FBN2: variants seen among roughly 807,000 people sequenced by gnomAD.
FBN2 encodes the protein fibrillin-2.
FBN2 carries 105 observed loss-of-function variants against 355.6 expected under a neutral mutation model. That is an observed-to-expected ratio of 0.30 (90% CI 0.25 to 0.35). The LOEUF is 0.35. Among genes scored for constraint, FBN2 ranks in the 10% least tolerant of loss-of-function variants. The probability of loss-of-function intolerance (pLI) is 1.00; values close to 1 mark genes in which losing one functional copy is unlikely to be tolerated. For synonymous variants in FBN2, 1,350 were observed against 1,301.2 expected (o/e 1.04, Z -0.81); for missense variants, 3,280 against 3,758.7 (o/e 0.87, Z 3.33).
At chr5:128,448,765 T>C (rs1420988978) in intron 6 of FBN2, among the ~76,000 whole-genome samples, 1 of 152,200 alleles carries the variant, frequency 6.6e-6, no homozygotes, top group Non-Finnish European at 1.5e-5. Context: ...CTACACTTAC[T>C]AGCTTTTTTA....
chr5:128,524,527 T>C lies in FBN2; in HGVS notation c.532+3345A>G, dbSNP rs1185628960. 3.3e-5 allele frequency among the ~76,000 whole-genome samples: 5 copies of C among 152,320 alleles called. No individual in the cohort carries two copies. The East Asian group carries it at 7.7e-4, about 23-fold the overall frequency. ...AAATAGAAGAATGCTTTCTAAGAAG[T>C]GCTGTCTGTTTCCAGGAAAGCAGCT... is the stretch of plus-strand genomic sequence containing the variant. On this transcript the variant is annotated intron_variant, in intron 4 of 64. Coordinates refer to ENST00000262464, the MANE Select transcript of FBN2 (RefSeq NM_001999.4).
chr5:128,489,029 C>T, intron 5 of FBN2, among the ~76,000 whole-genome samples: 1 of 152,034 alleles, frequency 6.6e-6, no homozygotes, highest in Non-Finnish European at 1.5e-5. Context: ...AATGGGATGG[C>T]TGGGTCAAAT....
At chr5:128,406,634 T>A (rs1404117186) in intron 8 of FBN2, among the ~76,000 whole-genome samples, 3 of 152,150 alleles carry the variant, frequency 2.0e-5, no homozygotes, top group Non-Finnish European at 4.4e-5. Context: ...ACTAAGTGAC[T>A]AGTGGGTGCG....
rs764248068 is a variant in FBN2, at chr5:128,378,810, C to A, written c.1684G>T (p.Ala562Ser). Residue 562 changes from alanine (A) to serine (S), a missense_variant, in exon 12 of 65, where the codon GCT (alanine) becomes TCT (serine). This residue lies in a region of FBN2 where 2,284 missense variants were observed against 2,749.5 expected (regional missense o/e 0.83). Transcript: ENST00000262464. ...TTGGTAGGAGTCCTCTGGAATCCAG[C>A]ATGACATTTACAATAATAGGAACCA... ...TPGSYYCKCH[A>S]GFQRTPTKQA... The A allele has an allele frequency of 6.8e-6, 11 of 1,613,082 alleles. No homozygotes were observed. Among genetic ancestry groups the A allele is most frequent in the Non-Finnish European group, 9.3e-6 (11 of 1,179,420 alleles).
At chr5:128,328,977 T>C (rs192954777) in intron 33 of FBN2, among the ~76,000 whole-genome samples, 156 bp from the exon 34 acceptor site, 264 of 152,332 alleles carry the variant, frequency 1.7e-3, no homozygotes, top group Middle Eastern at 0.01. Context: ...GGTATCAACC[T>C]GAGAGAAAAT....
chr5:128,404,311 C>T (rs1049843802), intron 8 of FBN2, among the ~76,000 whole-genome samples: 2 of 152,206 alleles, frequency 1.3e-5, no homozygotes, highest in Middle Eastern at 3.2e-3. Context: ...TTATTCAAAA[C>T]ATTTTTAAGC....
At chr5:128,395,597 T>C (rs1752630005) in intron 8 of FBN2, among the ~76,000 whole-genome samples, 1 of 152,354 alleles carries the variant, frequency 6.6e-6, no homozygotes, top group Middle Eastern at 3.4e-3. Context: ...TGTGGTTGTC[T>C]GTAATGCAGC....
chr5:128,446,659 A>G (rs1294679739), intron 6 of FBN2, 53 bp from the exon 7 acceptor site: 3 of 1,593,204 alleles, frequency 1.9e-6, no homozygotes, highest in African/African-American at 1.3e-5. Context: ...CAGAATATCT[A>G]TACTTTTTTT....
intron 7 of FBN2, among the ~76,000 whole-genome samples, chr5:128,417,068 C>T (rs1753220696): frequency 6.6e-6 from 1 of 152,052 alleles, no homozygotes; most frequent in Non-Finnish European, 1.5e-5. Flanking sequence ...GAATTCACTT[C>T]CTTAGTTAAA....
At chr5:128,293,825 CTTTTT>C (rs991797437) in intron 48 of FBN2, among the ~76,000 whole-genome samples, 4 of 151,152 alleles carry the variant, frequency 2.6e-5, no homozygotes, top group African/African-American at 9.8e-5. Flanking sequence ...TTAAACTTTT[CTTTTT>C]TTTAATTAAT....
intron 48 of FBN2, among the ~76,000 whole-genome samples, chr5:128,299,434 C>CTGCCGCCTT (rs61307257): frequency 8.1e-6 from 1 of 122,944 alleles, no homozygotes; most frequent in African/African-American, 3.4e-5. Flanking sequence ...CCCCCAGCCT[C>CTGCCGCCTT]ACAGTTTGAT....
At chr5:128,339,936 T>G (rs1171684398) in intron 25 of FBN2, among the ~76,000 whole-genome samples, 1 of 152,222 alleles carries the variant, frequency 6.6e-6, no homozygotes, top group African/African-American at 2.4e-5. Flanking sequence ...CTTATTGATT[T>G]AGTAAGCCCT....
At chr5:128,470,832 C>T (rs1754842494) in intron 5 of FBN2, among the ~76,000 whole-genome samples, 1 of 151,844 alleles carries the variant, frequency 6.6e-6, no homozygotes, top group Non-Finnish European at 1.5e-5. Flanking sequence ...TGTACAACTG[C>T]ATAGATTGTG....
intron 6 of FBN2, among the ~76,000 whole-genome samples, chr5:128,447,782 T>G (rs1754111534): frequency 6.6e-6 from 1 of 152,226 alleles, no homozygotes; most frequent in African/African-American, 2.4e-5. Flanking sequence ...TGCCGACATG[T>G]GATGTCTCCC....
At chr5:128,530,498 A>T in intron 3 of FBN2, 97 bp downstream of exon 3, 2 of 792,174 alleles carry the variant, frequency 2.5e-6, no homozygotes, top group Non-Finnish European at 2.2e-6. Context: ...AACTAAAGTA[A>T]TAACAGTTAA....
intron 7 of FBN2, chr5:128,442,277 A>G (rs554036197): frequency 3.3e-5 from 15 of 455,094 alleles, no homozygotes; most frequent in South Asian, 2.3e-4. Flanking sequence ...AAGCCAGGAA[A>G]GAATAACTAG....
chr5:128,317,975 C>T (rs983527402), intron 36 of FBN2, among the ~76,000 whole-genome samples, 174 bp downstream of exon 36: 4 of 152,168 alleles, frequency 2.6e-5, no homozygotes, highest in African/African-American at 4.8e-5. Flanking sequence ...TTCTCAAGTC[C>T]GTGAGAGGAG....
intron 5 of FBN2, among the ~76,000 whole-genome samples, chr5:128,500,535 C>A (rs925077240): frequency 2.0e-5 from 3 of 147,640 alleles, no homozygotes; most frequent in Non-Finnish European, 3.0e-5. Context: ...CTCCGCCTCC[C>A]GGGTTCACGC....
At chr5:128,527,191 A>G (rs1433496601) in intron 4 of FBN2, among the ~76,000 whole-genome samples, 1 of 152,180 alleles carries the variant, frequency 6.6e-6, no homozygotes, top group Non-Finnish European at 1.5e-5. Flanking sequence ...AATGTCCCAC[A>G]ATTTAGAGAA....
Sources: gnomAD v4.1 joint callset for allele counts (sites outside exome capture counted in the v4.1 genomes callset) on GRCh38, gnomAD v4.1.1 for gene constraint, gnomAD v4.1.1 regional missense constraint, MANE v1.5 for transcripts, NCBI Gene and HGNC (gene_info 2026-07-23, HGNC 2026-07-21) for gene names.